The following FOXP2 variants were observed in gnomAD, a reference collection of about 807,000 sequenced individuals.
The protein encoded by FOXP2 is forkhead box P2, also known as forkhead box protein P2.
A neutral mutation model predicts 115.8 loss-of-function variants in FOXP2; 12 were observed. The observed-to-expected ratio is 0.10, with a 90% confidence interval of 0.07 to 0.17. The LOEUF (loss-of-function observed/expected upper bound fraction) is 0.17, where lower values mean the gene tolerates loss of function less well. FOXP2 is among the 10% of genes least tolerant of loss of function. The probability of loss-of-function intolerance (pLI) is 1.00; values close to 1 mark genes in which losing one functional copy is unlikely to be tolerated. For synonymous variants in FOXP2, 328 were observed against 297.7 expected (o/e 1.10, Z -1.05); for missense variants, 629 against 843.5 (o/e 0.75, Z 3.15).
chr7:114,690,054 A>G lies in FOXP2; in HGVS notation c.*128A>G, dbSNP rs1808580703. 8.6e-7 allele frequency: 1 copy of G among 1,163,918 alleles called. No individual in the cohort carries two copies. 72.1% of individuals were successfully genotyped at this position (1,163,918 alleles called of 1,614,324 possible). A position where few individuals can be genotyped will look rare whatever the true frequency, so the allele number is the denominator to read the frequency against. On this transcript the variant is annotated 3_prime_UTR_variant, in exon 17 of 17. Transcript: ENST00000350908. ...AAGCATGGATAAAGGAGACAGCCCT[A>G]AAGGAACTTACTAAGCCAGCCCTTT...
intron 1 of FOXP2, among the ~76,000 whole-genome samples, chr7:114,239,902 A>G (rs1054567021): frequency 6.6e-6 from 1 of 152,140 alleles, no homozygotes; most frequent in African/African-American, 2.4e-5. Context: ...CAAACTTTTT[A>G]TGTCTGAAAA....
intron 2 of FOXP2, among the ~76,000 whole-genome samples, chr7:114,504,116 A>G (rs567162961): frequency 1.3e-4 from 19 of 151,664 alleles, no homozygotes; most frequent in Non-Finnish European, 2.7e-4. Flanking sequence ...AATTTTTCAC[A>G]CAGGTTAATT....
intron 2 of FOXP2, among the ~76,000 whole-genome samples, chr7:114,363,582 T>C (rs1270844009): frequency 1.3e-5 from 2 of 152,108 alleles, no homozygotes; most frequent in Admixed American, 6.6e-5. Context: ...CACAGAGATA[T>C]AGAACCAAGA....
At chr7:114,465,727 G>A (rs1795771631) in intron 2 of FOXP2, among the ~76,000 whole-genome samples, 1 of 152,166 alleles carries the variant, frequency 6.6e-6, no homozygotes. Context: ...CTGTAGCAAA[G>A]CCTTGAAGAT....
At chr7:114,670,229 T>C (rs530264910) in intron 16 of FOXP2, among the ~76,000 whole-genome samples, 28 of 152,158 alleles carry the variant, frequency 1.8e-4, no homozygotes, top group African/African-American at 6.3e-4. Context: ...AAAAATCTTT[T>C]ATATAGAACG....
intron 2 of FOXP2, among the ~76,000 whole-genome samples, chr7:114,522,767 C>T (rs530324692): frequency 6.6e-6 from 1 of 152,098 alleles, no homozygotes; most frequent in East Asian, 1.9e-4. Context: ...TTATAATGTT[C>T]ATAACTCTAA....
At chr7:114,620,319 T>TA (rs2129322915) in intron 3 of FOXP2, among the ~76,000 whole-genome samples, 1 of 152,206 alleles carries the variant, frequency 6.6e-6, no homozygotes, top group African/African-American at 2.4e-5. Context: ...ATACAAGTCT[T>TA]ACACATGCAA....
In FOXP2 at chr7:114,132,582, T is replaced by TGAGA. The variant is rs35572133; in HGVS notation, c.-246-30331_-246-30328dup. ...GTGTGTGTGTGTGTGTGTGTGTGTG[T>TGAGA]GAGAGAGAGAGAGAGAGAGAGAGAG... On this transcript the variant is annotated intron_variant, in intron 1 of 19. Coordinates refer to the FOXP2 transcript ENST00000635638. Among the ~76,000 whole-genome samples the TGAGA allele has an allele frequency of 5.0e-4, 28 of 55,992 alleles. 1 individual carries two copies. Among genetic ancestry groups the TGAGA allele is most frequent in the African/African-American group, 1.6e-3 (20 of 12,740 alleles). 36.7% of individuals were successfully genotyped at this position (55,992 alleles called of 152,430 possible).
intron 1 of FOXP2, among the ~76,000 whole-genome samples, chr7:114,130,712 T>C: frequency 6.6e-6 from 1 of 152,294 alleles, no homozygotes; most frequent in African/African-American, 2.4e-5. Flanking sequence ...AATATTAAAA[T>C]ATTTTCATAA....
At chr7:114,442,621 C>T (rs566239930) in intron 2 of FOXP2, among the ~76,000 whole-genome samples, 3 of 152,108 alleles carry the variant, frequency 2.0e-5, no homozygotes, top group East Asian at 3.9e-4. Flanking sequence ...TCATGCCTGG[C>T]TATCATATTT....
intron 3 of FOXP2, among the ~76,000 whole-genome samples, chr7:114,558,701 T>G (rs1800593655): frequency 6.6e-6 from 1 of 152,184 alleles, no homozygotes; most frequent in Non-Finnish European, 1.5e-5. Flanking sequence ...TATTCTTACC[T>G]AGAGTCCTTT....
intron 2 of FOXP2, among the ~76,000 whole-genome samples, chr7:114,511,158 GA>G (rs1305654962): frequency 6.6e-6 from 1 of 152,018 alleles, no homozygotes; most frequent in Non-Finnish European, 1.5e-5. Context: ...TGAACAGTGA[GA>G]ACACATGGAC....
intron 1 of FOXP2, among the ~76,000 whole-genome samples, chr7:114,269,270 TAGAC>T (rs1206830021): frequency 1.3e-5 from 2 of 152,090 alleles, no homozygotes; most frequent in African/African-American, 4.8e-5. Context: ...TGAATAGAGA[TAGAC>T]AGAAAAAGAA....
intron 2 of FOXP2, among the ~76,000 whole-genome samples, chr7:114,452,788 C>A (rs554695098): frequency 1.1e-4 from 16 of 152,104 alleles, no homozygotes; most frequent in African/African-American, 3.9e-4. Context: ...TAAGAGTAAT[C>A]CTTAATCAGT....
intron 2 of FOXP2, among the ~76,000 whole-genome samples, chr7:114,313,506 G>A (rs1224040635): frequency 1.9e-5 from 1 of 53,992 alleles, no homozygotes; most frequent in Non-Finnish European, 3.3e-5. Context: ...AGCACTTTGG[G>A]AGGCCGAGGC....
At chr7:114,366,997 T>C (rs184153795) in intron 2 of FOXP2, among the ~76,000 whole-genome samples, 1 of 152,282 alleles carries the variant, frequency 6.6e-6, no homozygotes, top group East Asian at 1.9e-4. Flanking sequence ...CTTAACTATT[T>C]AGATTTTTTT....
intron 1 of FOXP2, among the ~76,000 whole-genome samples, chr7:114,165,830 GA>G (rs1286034093): frequency 6.6e-6 from 1 of 152,138 alleles, no homozygotes; most frequent in Non-Finnish European, 1.5e-5. Flanking sequence ...GGAAGAAAAA[GA>G]AAATCGGAGG....
chr7:114,322,216 C>G (rs1797442265), intron 2 of FOXP2, among the ~76,000 whole-genome samples: 1 of 151,736 alleles, frequency 6.6e-6, no homozygotes, highest in Non-Finnish European at 1.5e-5. Flanking sequence ...GATAGAGTCT[C>G]ACTATATTAT....
At chr7:114,203,458 T>C (rs1346855738) in intron 1 of FOXP2, among the ~76,000 whole-genome samples, 2 of 152,108 alleles carry the variant, frequency 1.3e-5, no homozygotes, top group African/African-American at 4.8e-5. Context: ...TCAATCTGCT[T>C]AGTAGCTAGG....
Sources: gnomAD v4.1 joint callset for allele counts (sites outside exome capture counted in the v4.1 genomes callset) on GRCh38, gnomAD v4.1.1 for gene constraint, MANE v1.5 for transcripts, NCBI Gene and HGNC (gene_info 2026-07-23, HGNC 2026-07-21) for gene names.